Variants in TSHZ2 observed in about 807,000 individuals in gnomAD.
TSHZ2 encodes the protein teashirt zinc finger homeobox 2.
A neutral mutation model predicts 74.4 loss-of-function variants in TSHZ2; 21 were observed. That is an observed-to-expected ratio of 0.28 (90% CI 0.20 to 0.41). TSHZ2 has a LOEUF of 0.41. TSHZ2 is among the 10% of genes least tolerant of loss of function. The pLI is 1.00. For missense variants in TSHZ2, 1,244 were observed against 1,293.5 expected (o/e 0.96, Z 0.59); for synonymous variants, 540 against 515.3 (o/e 1.05, Z -0.65).
At chr20:53,246,036 C>CTTTTTTTTTTTTTTTTTTTTTTTTTTT (rs201257665) in intron 1 of TSHZ2, among the ~76,000 whole-genome samples, 2 of 126,744 alleles carry the variant, frequency 1.6e-5, no homozygotes, top group African/African-American at 6.4e-5. Context: ...TTCTTTCTTT[C>CTTTTTTTTTTTTTTTTTTTTTTTTTTT]TTTCTTTTTT....
intron 1 of TSHZ2, among the ~76,000 whole-genome samples, chr20:53,047,934 C>CT (rs1016845272): frequency 7.9e-5 from 12 of 152,168 alleles, no homozygotes; most frequent in African/African-American, 2.7e-4. Flanking sequence ...CACCGTCGCA[C>CT]TTTTAATTGG....
At chr20:53,039,848 C>G (rs1379901384) in intron 1 of TSHZ2, among the ~76,000 whole-genome samples, 2 of 151,392 alleles carry the variant, frequency 1.3e-5, no homozygotes, top group Non-Finnish European at 2.9e-5. Context: ...TGGCTCACAC[C>G]TGTAATCTCA....
chr20:53,284,564 G>A (rs1991128467), intron 2 of TSHZ2, among the ~76,000 whole-genome samples: 2 of 152,162 alleles, frequency 1.3e-5, no homozygotes, highest in Non-Finnish European at 2.9e-5. Flanking sequence ...GTTGTGCTTG[G>A]ATGAACACAA....
intron 2 of TSHZ2, among the ~76,000 whole-genome samples, chr20:53,364,535 C>T (rs1274082282): frequency 6.6e-6 from 1 of 152,212 alleles, no homozygotes; most frequent in African/African-American, 2.4e-5. Flanking sequence ...TACCCAGCCC[C>T]ACTTGTCCAG....
chr20:53,173,528 A>T (rs539292842), intron 1 of TSHZ2, among the ~76,000 whole-genome samples: 103 of 152,302 alleles, frequency 6.8e-4, no homozygotes, highest in African/African-American at 2.4e-3. Context: ...GAATCGCTTG[A>T]GCCCGGGGGG....
At chr20:53,144,689 G>A (rs1252805352) in intron 1 of TSHZ2, among the ~76,000 whole-genome samples, 1 of 152,110 alleles carries the variant, frequency 6.6e-6, no homozygotes, top group Non-Finnish European at 1.5e-5. Context: ...ATGGAGTTGA[G>A]ATTTGAACCC....
intron 1 of TSHZ2, among the ~76,000 whole-genome samples, chr20:53,161,423 C>G (rs895070821): frequency 3.3e-5 from 5 of 152,036 alleles, no homozygotes; most frequent in African/African-American, 1.2e-4. Flanking sequence ...TGATAGAAAG[C>G]CTTACATGTG....
At chr20:53,003,671 A>G (rs1982527142) in intron 1 of TSHZ2, among the ~76,000 whole-genome samples, 1 of 152,132 alleles carries the variant, frequency 6.6e-6, no homozygotes, top group South Asian at 2.1e-4. Flanking sequence ...CTTAATCAAA[A>G]TGTCTCCGGG....
chr20:53,095,169 G>A (rs1986001933), intron 1 of TSHZ2, among the ~76,000 whole-genome samples: 1 of 152,104 alleles, frequency 6.6e-6, no homozygotes, highest in African/African-American at 2.4e-5. Flanking sequence ...ACAAAGGTTT[G>A]GTTTCTCTCT....
chr20:53,171,306 G>A (rs953904711), intron 1 of TSHZ2, among the ~76,000 whole-genome samples: 3 of 152,154 alleles, frequency 2.0e-5, no homozygotes, highest in Non-Finnish European at 4.4e-5. Flanking sequence ...TAGATGTGCC[G>A]ATAACAATGT....
At chr20:53,264,027 T>C (rs1990658313) in intron 2 of TSHZ2, among the ~76,000 whole-genome samples, 1 of 152,236 alleles carries the variant, frequency 6.6e-6, no homozygotes. Flanking sequence ...TCTCCTGATA[T>C]ACTCTGGTTT....
chr20:53,307,022 G>A (rs557073429), intron 2 of TSHZ2, among the ~76,000 whole-genome samples: 14 of 152,236 alleles, frequency 9.2e-5, no homozygotes, highest in South Asian at 6.2e-4. Flanking sequence ...AAGTTTGTCC[G>A]GACTGAGGCA....
At chr20:53,113,815 T>C (rs1357379816) in intron 1 of TSHZ2, among the ~76,000 whole-genome samples, 2 of 152,166 alleles carry the variant, frequency 1.3e-5, no homozygotes, top group Non-Finnish European at 2.9e-5. Flanking sequence ...GTGTTTTATA[T>C]AAGGCTGCTT....
chr20:53,165,505 G>T (rs1013189099), intron 1 of TSHZ2, among the ~76,000 whole-genome samples: 1 of 152,196 alleles, frequency 6.6e-6, no homozygotes, highest in African/African-American at 2.4e-5. Context: ...GGGAGAAAAT[G>T]CTCAAAACTG....
intron 1 of TSHZ2, among the ~76,000 whole-genome samples, chr20:53,101,835 G>GA: frequency 1.3e-5 from 2 of 152,128 alleles, no homozygotes; most frequent in African/African-American, 2.4e-5. Flanking sequence ...CATCTTATAT[G>GA]AAAAAAAGTA....
chr20:53,190,138 T>TATATATATA (rs1568803559), intron 1 of TSHZ2, among the ~76,000 whole-genome samples: 22 of 101,688 alleles, frequency 2.2e-4, no homozygotes, highest in Non-Finnish European at 3.6e-4. Flanking sequence ...TATATATATA[T>TATATATATA]TTTCTTAAAT....
chr20:53,276,878 C>G (rs1600784541), intron 2 of TSHZ2, among the ~76,000 whole-genome samples: 1 of 152,226 alleles, frequency 6.6e-6, no homozygotes, highest in African/African-American at 2.4e-5. Context: ...CAGCTTTCCT[C>G]CTGTCTTTGA....
chr20:53,469,786 GAGGAAGGA>G (rs1338531618), intron 2 of TSHZ2, among the ~76,000 whole-genome samples: 1 of 86,652 alleles, frequency 1.2e-5, no homozygotes, highest in Non-Finnish European at 2.3e-5. Flanking sequence ...GGGAGGGAGG[GAGGAAGGA>G]AGGAAGGAAG....
intron 2 of TSHZ2, among the ~76,000 whole-genome samples, chr20:53,466,077 T>C (rs1985550098): frequency 6.6e-6 from 1 of 151,344 alleles, no homozygotes; most frequent in Non-Finnish European, 1.5e-5. Context: ...TGAAACCCCG[T>C]CTCTACTAAA....
Sources: gnomAD v4.1 joint callset for allele counts (sites outside exome capture counted in the v4.1 genomes callset) on GRCh38, gnomAD v4.1.1 for gene constraint, MANE v1.5 for transcripts, NCBI Gene and HGNC (gene_info 2026-07-23, HGNC 2026-07-21) for gene names.